FAM120A: variants seen among roughly 807,000 people sequenced by gnomAD.
The protein encoded by FAM120A is constitutive coactivator of PPAR-gamma-like protein 1.
FAM120A carries 15 observed loss-of-function variants against 109.7 expected under a neutral mutation model. The ratio of observed to expected loss-of-function variants is 0.14; its 90% CI spans 0.09 to 0.21. The LOEUF (loss-of-function observed/expected upper bound fraction) is 0.21, where lower values mean the gene tolerates loss of function less well. FAM120A is among the 10% of genes least tolerant of loss of function. FAM120A has a pLI of 1.00. For missense variants in FAM120A, 899 were observed against 1,439.3 expected, an observed-to-expected ratio of 0.62 and a Z score of 6.07; for synonymous variants, 493 against 572.8, an observed-to-expected ratio of 0.86 and a Z score of 1.99.
At chr9:93,464,835 G>A (rs1388773072) in intron 1 of FAM120A, among the ~76,000 whole-genome samples, 1 of 152,198 alleles carries the variant, frequency 6.6e-6, no homozygotes, top group Non-Finnish European at 1.5e-5. Flanking sequence ...AGTGTTTTCA[G>A]GGCTTAATTT....
chr9:93,470,009 G>T (rs1296043062), intron 1 of FAM120A, among the ~76,000 whole-genome samples: 1 of 152,148 alleles, frequency 6.6e-6, no homozygotes, highest in Non-Finnish European at 1.5e-5. Flanking sequence ...GGTCTCCTGT[G>T]ACCACTGAAT....
chr9:93,511,989 G>A (rs757441006), intron 5 of FAM120A, among the ~76,000 whole-genome samples: 6 of 152,104 alleles, frequency 3.9e-5, no homozygotes, highest in Non-Finnish European at 7.3e-5. Context: ...ACGGGCTTTC[G>A]CCATGTTGGT....
intron 2 of FAM120A, among the ~76,000 whole-genome samples, chr9:93,473,247 G>C (rs184511191): frequency 6.6e-5 from 10 of 152,112 alleles, no homozygotes; most frequent in Admixed American, 5.2e-4. Flanking sequence ...GAACTCCTGA[G>C]CTCAAGCAAT....
At chr9:93,522,781 G>A (rs1481050695) in intron 7 of FAM120A, among the ~76,000 whole-genome samples, 1 of 152,156 alleles carries the variant, frequency 6.6e-6, no homozygotes, top group Non-Finnish European at 1.5e-5. Context: ...GTGTTATGGA[G>A]GCATCTTTTG....
chr9:93,511,134 G>A (rs559100539), intron 5 of FAM120A, among the ~76,000 whole-genome samples: 2 of 151,944 alleles, frequency 1.3e-5, no homozygotes, highest in Admixed American at 6.5e-5. Flanking sequence ...AATTTTTCCC[G>A]CTGTTCCGAA....
At chr9:93,519,897 A>T (rs1860770368) in intron 7 of FAM120A, among the ~76,000 whole-genome samples, 1 of 152,000 alleles carries the variant, frequency 6.6e-6, no homozygotes, top group African/African-American at 2.4e-5. Flanking sequence ...TTTTTTAGGG[A>T]CAGGGTCTTG....
intron 5 of FAM120A, among the ~76,000 whole-genome samples, chr9:93,507,913 T>C (rs912905387): frequency 4.6e-5 from 7 of 152,094 alleles, no homozygotes; most frequent in Admixed American, 2.0e-4. Context: ...ACCACGCCTC[T>C]CTCCAGTCAT....
chr9:93,533,412 C>T (rs1402035116), intron 10 of FAM120A, among the ~76,000 whole-genome samples: 1 of 152,204 alleles, frequency 6.6e-6, no homozygotes, highest in Non-Finnish European at 1.5e-5. Context: ...GATTGCTGAG[C>T]TGCTGGTGTG....
chr9:93,551,286 ACAATATTGATTTTTCT>A (rs1432754006), intron 12 of FAM120A, among the ~76,000 whole-genome samples: 1 of 152,144 alleles, frequency 6.6e-6, no homozygotes, highest in African/African-American at 2.4e-5. Flanking sequence ...AATTGTTTTG[ACAATATTGATTTTTCT>A]CCAAGTTGTC....
intron 1 of FAM120A, chr9:93,453,370 T>C: frequency 7.1e-6 from 7 of 985,530 alleles, no homozygotes; most frequent in Non-Finnish European, 8.4e-6. Context: ...AGCACATCCA[T>C]GATCCTGGAC....
At chr9:93,563,843 C>T (rs1024789847) in intron 17 of FAM120A, among the ~76,000 whole-genome samples, 1 of 152,212 alleles carries the variant, frequency 6.6e-6, no homozygotes, top group Non-Finnish European at 1.5e-5. Context: ...TGCTGCTGCA[C>T]ATCACAGGCA....
At chr9:93,542,414 T>C (rs981003852) in intron 10 of FAM120A, among the ~76,000 whole-genome samples, 3 of 152,260 alleles carry the variant, frequency 2.0e-5, no homozygotes, top group African/African-American at 7.2e-5. Flanking sequence ...TTCCTTGTCA[T>C]TGTTTTTTCC....
At chr9:93,481,023 C>T (rs1275897460) in intron 3 of FAM120A, among the ~76,000 whole-genome samples, 1 of 152,228 alleles carries the variant, frequency 6.6e-6, no homozygotes, top group Non-Finnish European at 1.5e-5. Context: ...CTCTGTTTCC[C>T]TTCAGGTGGT....
intron 5 of FAM120A, among the ~76,000 whole-genome samples, chr9:93,514,456 T>G (rs1588867105): frequency 6.6e-6 from 1 of 152,228 alleles, no homozygotes; most frequent in East Asian, 1.9e-4. Flanking sequence ...TCTTCCACAT[T>G]TAAAACAAAC....
Position 93,558,005 on chromosome 9 carries a change from T to C in FAM120A, c.2663T>C (p.Phe888Ser). Residue 888 changes from phenylalanine to serine, a missense_variant, in exon 14 of 18, where the codon TTT (phenylalanine) becomes TCT (serine). Coordinates refer to ENST00000277165, the MANE Select transcript of FAM120A (RefSeq NM_014612.5). Reference protein sequence around the residue: ...VPPSQGRGRGFAGVCGFGGPY... With the variant: ...VPPSQGRGRGSAGVCGFGGPY... ...CCCTCTCAGGGCAGGGGCAGAGGCT[T>C]TGCAGGTGAGTTGATTGGGACGTAT... 1 of 1,590,352 alleles carries C rather than the reference T, an allele frequency of 6.3e-7. No individual in the cohort carries two copies. The highest frequency in any genetic ancestry group is 1.1e-5 in the South Asian group (1 of 89,666).
chr9:93,505,306 C>T (rs537142691), intron 5 of FAM120A, among the ~76,000 whole-genome samples: 111 of 152,162 alleles, frequency 7.3e-4, no homozygotes, highest in Admixed American at 4.3e-3. Context: ...GTGATCCGCC[C>T]GCCTCGGCCT....
rs544313074 is a variant in FAM120A at position 93,481,940 on chromosome 9, T to G, written c.804+5602T>G. On this transcript the variant is annotated intron_variant, in intron 3 of 17. Coordinates refer to ENST00000277165, the MANE Select transcript of FAM120A (RefSeq NM_014612.5). ...ATGGAACGCCATCTTCTCTGTATGA[T>G]CCTCTCTTGGAGCTTCCCCTAAAGT... is the stretch of plus-strand genomic sequence containing the variant. 2.6e-3 allele frequency among the ~76,000 whole-genome samples: 395 copies of G among 152,272 alleles called. 2 individuals carry two copies. Among genetic ancestry groups the G allele is most frequent in the Non-Finnish European group, 4.2e-3 (287 of 68,016 alleles).
At chr9:93,503,433 T>G (rs1469953829) in intron 5 of FAM120A, among the ~76,000 whole-genome samples, 1 of 152,108 alleles carries the variant, frequency 6.6e-6, no homozygotes, top group African/African-American at 2.4e-5. Context: ...CATGAAAAGA[T>G]GCAGAGGAAC....
intron 2 of FAM120A, among the ~76,000 whole-genome samples, chr9:93,471,771 A>G (rs1858324455): frequency 6.6e-6 from 1 of 152,316 alleles, no homozygotes; most frequent in East Asian, 1.9e-4. Context: ...TGGGGTTAGA[A>G]TGGTTATGTT....
Sources: allele counts gnomAD v4.1 joint callset (sites outside exome capture counted in the v4.1 genomes callset), GRCh38; gene constraint gnomAD v4.1.1; transcripts MANE v1.5; gene names NCBI Gene and HGNC (gene_info 2026-07-23, HGNC 2026-07-21).